ELL2: variants seen among roughly 807,000 people sequenced by gnomAD.
The protein encoded by ELL2 is elongation factor for RNA polymerase II 2, also known as RNA polymerase II elongation factor ELL2.
In ELL2, 21 loss-of-function variants were observed where a neutral mutation model predicts 72.8. That is an observed-to-expected ratio of 0.29 (90% CI 0.20 to 0.42). The LOEUF is 0.42. Among genes scored for constraint, ELL2 ranks in the 10% least tolerant of loss-of-function variants. ELL2 has a pLI of 1.00. For missense variants in ELL2, 568 were observed against 772.8 expected (o/e 0.73, Z 3.14); for synonymous variants, 266 against 283.2 (o/e 0.94, Z 0.61).
intron 5 of ELL2, among the ~76,000 whole-genome samples, chr5:95,905,604 C>T (rs1580490101): frequency 6.6e-6 from 1 of 152,230 alleles, no homozygotes; most frequent in Non-Finnish European, 1.5e-5. Flanking sequence ...GATTGAGATA[C>T]CTTGGGGACT....
chr5:95,911,355 T>C (rs1749588160), intron 4 of ELL2, among the ~76,000 whole-genome samples: 3 of 152,070 alleles, frequency 2.0e-5, no homozygotes, highest in Non-Finnish European at 4.4e-5. Context: ...TTTTTTTTTT[T>C]TGAGACGGAG....
chr5:95,929,492 C>T (rs1382406672), intron 2 of ELL2, among the ~76,000 whole-genome samples: 3 of 151,988 alleles, frequency 2.0e-5, no homozygotes, highest in Non-Finnish European at 4.4e-5. Flanking sequence ...CTCCTGACCT[C>T]GTGATCTGCC....
intron 1 of ELL2, among the ~76,000 whole-genome samples, chr5:95,948,429 CAAAAAAAAA>C (rs1187881368): frequency 5.7e-5 from 2 of 35,218 alleles, no homozygotes; most frequent in African/African-American, 1.2e-4. Context: ...GACTCCGCCT[CAAAAAAAAA>C]AAAAAAAAAA....
At chr5:95,891,011 A>G in intron 10 of ELL2, 92 bp downstream of exon 10, 1 of 1,496,516 alleles carries the variant, frequency 6.7e-7, no homozygotes, top group Non-Finnish European at 9.3e-7. Context: ...TACTTACTCT[A>G]AAGGCCACTG....
At position 95,898,237 on chromosome 5, in the gene ELL2, T is replaced by C. The variant is rs1748951583; in HGVS notation, c.1525+3A>G. 1 of 1,592,514 alleles carries C rather than the reference T, an allele frequency of 6.3e-7. No individual in the cohort carries two copies. Among genetic ancestry groups the C allele is most frequent in the Non-Finnish European group, 8.5e-7 (1 of 1,172,280 alleles). ...ACTTCTGGTTCATCTAAAGGTAAAA[T>C]ACCTCCACTGGAATTTGGACTGGAG... On this transcript the variant is annotated splice_donor_region_variant and intron_variant, in intron 8 of 11. Coordinates refer to ENST00000237853, the MANE Select transcript of ELL2 (RefSeq NM_012081.6).
chr5:95,928,180 T>C (rs137986520), intron 2 of ELL2, among the ~76,000 whole-genome samples: 10 of 152,198 alleles, frequency 6.6e-5, no homozygotes, highest in South Asian at 2.1e-4. Flanking sequence ...CTATGGAGCA[T>C]GAGAGAACAG....
At chr5:95,946,534 T>C (rs1429638779) in intron 1 of ELL2, among the ~76,000 whole-genome samples, 1 of 152,192 alleles carries the variant, frequency 6.6e-6, no homozygotes, top group African/African-American at 2.4e-5. Flanking sequence ...AGAACCTCTC[T>C]CATATACCAC....
chr5:95,939,248 A>G (rs762994549), intron 2 of ELL2, among the ~76,000 whole-genome samples: 2 of 152,232 alleles, frequency 1.3e-5, no homozygotes, highest in African/African-American at 2.4e-5. Context: ...TTTCCATAGA[A>G]GTTCTGAGTG....
intron 4 of ELL2, among the ~76,000 whole-genome samples, chr5:95,912,112 A>G (rs1749626129): frequency 6.6e-6 from 1 of 152,238 alleles, no homozygotes; most frequent in Non-Finnish European, 1.5e-5. Flanking sequence ...TAAAATTCCC[A>G]GTACCATTAG....
Position 95,933,007 on chromosome 5 carries a change from G to T in ELL2, c.195+9995C>A, listed in dbSNP as rs149502364. 4.1e-4 allele frequency among the ~76,000 whole-genome samples: 62 copies of T among 152,198 alleles called. No individual in the cohort carries two copies. In the East Asian group the frequency reaches 0.011, roughly 28 times the overall value. The stretch of plus-strand genomic sequence containing the variant: ...AACAAGGCACTGGATGTTACTTTAC[G>T]CTATCTTAAAACATTGCAGTATTTT... On this transcript the variant is annotated intron_variant, in intron 2 of 11. Transcript: ENST00000237853.
intron 1 of ELL2, among the ~76,000 whole-genome samples, chr5:95,959,356 C>CCTATTCGGGTCTG (rs1439236503): frequency 7.9e-5 from 12 of 152,326 alleles, no homozygotes; most frequent in African/African-American, 2.6e-4. Context: ...GGGCTGGCCG[C>CCTATTCGGGTCTG]CTCCTGCTGA....
chr5:95,920,218 G>A (rs767850788), intron 2 of ELL2, among the ~76,000 whole-genome samples: 5 of 151,840 alleles, frequency 3.3e-5, no homozygotes, highest in African/African-American at 4.8e-5. Flanking sequence ...AGGAAACACT[G>A]TGGAACAGGA....
rs536008183 is a variant in ELL2 at position 95,905,237 on chromosome 5, G to A, written c.741+1286C>T. 2.1e-3 allele frequency among the ~76,000 whole-genome samples: 321 copies of A among 149,814 alleles called. 1 individual carries two copies. Among genetic ancestry groups the A allele is most frequent in the African/African-American group, 7.1e-3 (289 of 40,728 alleles). On this transcript the variant is annotated intron_variant, in intron 5 of 11. Coordinates refer to ENST00000237853, the MANE Select transcript of ELL2 (RefSeq NM_012081.6). ...AGTTTATCTACACTTTGAGATACGC[G>A]CACACACACACACACACGTATATAT... is the stretch of plus-strand genomic sequence containing the variant.
intron 4 of ELL2, 191 bp downstream of exon 4, chr5:95,913,580 T>C (rs1749680960): frequency 5.7e-6 from 3 of 525,494 alleles, no homozygotes; most frequent in Non-Finnish European, 9.3e-6. Flanking sequence ...TCATAGAACT[T>C]TAAAATATGC....
intron 2 of ELL2, among the ~76,000 whole-genome samples, chr5:95,933,908 C>T (rs2112336133): frequency 6.6e-6 from 1 of 152,172 alleles, no homozygotes; most frequent in Admixed American, 6.6e-5. Context: ...AAAACACTGT[C>T]TTCCTTTAGA....
At chr5:95,927,116 T>C (rs758300694) in intron 2 of ELL2, among the ~76,000 whole-genome samples, 3 of 151,996 alleles carry the variant, frequency 2.0e-5, no homozygotes, top group Non-Finnish European at 4.4e-5. Context: ...TTCTATGACA[T>C]AGTAGTGAAT....
intron 2 of ELL2, among the ~76,000 whole-genome samples, chr5:95,929,216 C>G (rs1750504800): frequency 6.6e-6 from 1 of 151,844 alleles, no homozygotes; most frequent in Non-Finnish European, 1.5e-5. Context: ...CTTTCTCTCC[C>G]ACCAGACTGT....
chr5:95,905,444 T>C (rs1365426576), intron 5 of ELL2, among the ~76,000 whole-genome samples: 1 of 151,442 alleles, frequency 6.6e-6, no homozygotes, highest in Non-Finnish European at 1.5e-5. Flanking sequence ...GTAACCTGAC[T>C]CTCACTGCTT....
intron 2 of ELL2, among the ~76,000 whole-genome samples, chr5:95,928,601 G>A (rs77455772): frequency 3.3e-5 from 5 of 151,932 alleles, no homozygotes; most frequent in Non-Finnish European, 7.4e-5. Context: ...ACACATAATC[G>A]TAAGACTTAC....
Sources: gnomAD v4.1 joint callset for allele counts (sites outside exome capture counted in the v4.1 genomes callset) on GRCh38, gnomAD v4.1.1 for gene constraint, MANE v1.5 for transcripts, NCBI Gene and HGNC (gene_info 2026-07-23, HGNC 2026-07-21) for gene names.